ACTL6A: variants seen among roughly 807,000 people sequenced by gnomAD.
The protein encoded by ACTL6A is actin like 6A, also known as actin-like protein 6A.
Under a neutral mutation model 59.2 loss-of-function variants are expected in ACTL6A, and 5 were observed. The observed-to-expected ratio is 0.08, with a 90% CI of 0.04 to 0.18. ACTL6A has a LOEUF of 0.18. Ranked by LOEUF, ACTL6A falls within the 10% of genes least tolerant of loss-of-function variation. The pLI, the probability that ACTL6A is intolerant of heterozygous loss-of-function variation, is 1.00. For missense variants in ACTL6A, 285 were observed against 526.9 expected (o/e 0.54, Z 4.49); for synonymous variants, 154 against 171.8 (o/e 0.90, Z 0.81).
chr3:179,566,072 C>G (rs1454767759), intron 1 of ACTL6A, among the ~76,000 whole-genome samples: 1 of 152,172 alleles, frequency 6.6e-6, no homozygotes, highest in East Asian at 1.9e-4. Context: ...CAAAAACTCT[C>G]AGATTTTTGC....
chr3:179,581,939 G>A (rs1016160933), intron 11 of ACTL6A, among the ~76,000 whole-genome samples: 2 of 152,138 alleles, frequency 1.3e-5, no homozygotes, highest in East Asian at 1.9e-4. Flanking sequence ...CATTAAATGA[G>A]GACTTACTTT....
chr3:179,563,174 C>T (rs1717717211), intron 1 of ACTL6A, 57 bp downstream of exon 1: 5 of 1,568,918 alleles, frequency 3.2e-6, no homozygotes, highest in Admixed American at 3.6e-5. Context: ...GGGTTTGTAA[C>T]CGCCGCTCCC....
At chr3:179,563,156 G>A (rs1231854400) in intron 1 of ACTL6A, 39 bp downstream of exon 1, 1 of 1,595,446 alleles carries the variant, frequency 6.3e-7, no homozygotes, top group Admixed American at 1.7e-5. Flanking sequence ...GCGCCTTTTC[G>A]GCGTGTGGGG....
chr3:179,580,619 A>G, intron 8 of ACTL6A, 21 bp from the exon 9 acceptor site: 11 of 1,550,790 alleles, frequency 7.1e-6, no homozygotes, highest in Non-Finnish European at 9.7e-6. Flanking sequence ...CTTGTTTGTT[A>G]CTTTTTTCTT....
intron 13 of ACTL6A, 111 bp from the exon 14 acceptor site, chr3:179,587,819 C>T: frequency 2.7e-6 from 2 of 747,610 alleles, no homozygotes; most frequent in Non-Finnish European, 2.2e-6. Context: ...CACGCCATTG[C>T]ACTCCAGCCT....
intron 8 of ACTL6A, 130 bp downstream of exon 8, chr3:179,577,043 T>A: frequency 1.7e-6 from 1 of 595,504 alleles, no homozygotes; most frequent in Non-Finnish European, 2.9e-6. Context: ...CTTTATTTTT[T>A]TTATTACTAA....
At chr3:179,567,088 G>A (rs560844860) in intron 1 of ACTL6A, among the ~76,000 whole-genome samples, 65 of 152,240 alleles carry the variant, frequency 4.3e-4, no homozygotes, top group Middle Eastern at 3.4e-3. Context: ...TGGTTTCACC[G>A]GGCATGGTAG....
Position 179,563,150 on chromosome 3 carries a change from C to T in ACTL6A, c.25+33C>T, listed in dbSNP as rs772387468. On this transcript the variant is annotated intron_variant, in intron 1 of 13. Coordinates refer to ENST00000429709, the MANE Select transcript of ACTL6A (RefSeq NM_004301.5). ...AGTGCGGCCGGACGAGAGAGCGCGC[C>T]TTTTCGGCGTGTGGGGTTTGTAACC... The T allele has an allele frequency of 1.8e-5, 29 of 1,603,636 alleles. No individual in the cohort carries two copies. The Admixed American group carries it at 4.4e-4, about 24-fold the overall frequency.
chr3:179,565,663 C>A (rs143166474), intron 1 of ACTL6A, among the ~76,000 whole-genome samples: 1 of 151,606 alleles, frequency 6.6e-6, no homozygotes, highest in Non-Finnish European at 1.5e-5. Context: ...GTATGTGGTG[C>A]GTTCAGGAGA....
chr3:179,584,189 C>G (rs138046737), intron 12 of ACTL6A: 4 of 152,278 alleles, frequency 2.6e-5, no homozygotes, highest in African/African-American at 7.2e-5. Context: ...TAAAATCTAG[C>G]AGTGGACTGA....
chr3:179,579,686 G>T (rs1718277316), intron 8 of ACTL6A, among the ~76,000 whole-genome samples: 1 of 152,324 alleles, frequency 6.6e-6, no homozygotes, highest in Non-Finnish European at 1.5e-5. Flanking sequence ...TACTTGGGAG[G>T]CTGAGGCAGG....
intron 13 of ACTL6A, among the ~76,000 whole-genome samples, chr3:179,587,164 T>A (rs1166550769): frequency 6.6e-6 from 1 of 152,076 alleles, no homozygotes; most frequent in Non-Finnish European, 1.5e-5. Flanking sequence ...ATACAGTTTA[T>A]ATACTTATAT....
At chr3:179,574,917 A>G (rs1250948672) in intron 5 of ACTL6A, 2 of 177,852 alleles carry the variant, frequency 1.1e-5, no homozygotes, top group Non-Finnish European at 2.4e-5. Flanking sequence ...CTGCCACAGC[A>G]TTAGGTGGAA....
intron 8 of ACTL6A, 97 bp downstream of exon 8, chr3:179,577,010 T>C (rs1718188291): frequency 1.2e-6 from 1 of 809,640 alleles, no homozygotes; most frequent in South Asian, 2.2e-5. Flanking sequence ...GAGTAAAATA[T>C]GGGCACTTTA....
rs1040958930 is a variant in ACTL6A at position 179,581,835 on chromosome 3, A to G, written c.1026+615A>G. Among the ~76,000 whole-genome samples, 120 of 152,348 alleles carry G rather than the reference A, an allele frequency of 7.9e-4. 2 individuals are homozygous for G. The highest frequency in any genetic ancestry group is 7.8e-3 in the Admixed American group (120 of 15,296). On this transcript the variant is annotated intron_variant, in intron 11 of 13. Coordinates refer to ENST00000429709, the MANE Select transcript of ACTL6A (RefSeq NM_004301.5). ...ACTGCAACTTTAACTGAAACGATGT[A>G]CAGTAGGTCCTTGAAGGACATTGTT...
chr3:179,576,623 T>C lies in ACTL6A; in HGVS notation c.575T>C (p.Ile192Thr). The C allele has an allele frequency of 6.2e-7, 1 of 1,612,028 alleles. No homozygotes were observed. Residue 192 changes from isoleucine (I) to threonine (T), a missense_variant, in exon 7 of 14, where the codon ATT becomes ACT. Coordinates refer to ENST00000429709, the MANE Select transcript of ACTL6A (RefSeq NM_004301.5). Reference sequence around the variant, plus strand: ...CCTTGTTTCATCTGTTTCATAGGCATTGTGAAATCCCCTCTTGCTGGAGAC... The same window carrying C: ...CCTTGTTTCATCTGTTTCATAGGCACTGTGAAATCCCCTCTTGCTGGAGAC... Reference protein sequence around the residue: ...VHDGYVLQQGIVKSPLAGDFI... With the variant: ...VHDGYVLQQGTVKSPLAGDFI...
intron 12 of ACTL6A, 99 bp from the exon 13 acceptor site, chr3:179,586,447 G>A: frequency 1.1e-6 from 1 of 876,644 alleles, no homozygotes; most frequent in Non-Finnish European, 1.6e-6. Flanking sequence ...AATATGGCGA[G>A]GAAGACCCTG....
At chr3:179,569,499 A>G (rs1328807143) in intron 1 of ACTL6A, among the ~76,000 whole-genome samples, 1 of 152,178 alleles carries the variant, frequency 6.6e-6, no homozygotes, top group Non-Finnish European at 1.5e-5. Flanking sequence ...ATTTTAATTA[A>G]ATGATTCTTT....
chr3:179,572,541 C>G (rs1398895968), intron 3 of ACTL6A, among the ~76,000 whole-genome samples: 1 of 152,152 alleles, frequency 6.6e-6, no homozygotes, highest in East Asian at 1.9e-4. Context: ...GGCGGTGGCT[C>G]ACGCCTGTAA....
Sources: gnomAD v4.1 joint callset for allele counts (sites outside exome capture counted in the v4.1 genomes callset) on GRCh38, gnomAD v4.1.1 for gene constraint, MANE v1.5 for transcripts, NCBI Gene and HGNC (gene_info 2026-07-23, HGNC 2026-07-21) for gene names.